The following SPRR2G variants were observed in gnomAD, a reference collection of about 807,000 sequenced individuals.
The protein encoded by SPRR2G is small proline-rich protein 2G.
A neutral mutation model predicts 0.7 loss-of-function variants in SPRR2G; 1 was observed. The observed-to-expected ratio is 1.49, with a 90% CI of 0.53 to 7.06. The LOEUF is 7.06. SPRR2G is among the 30% of genes most tolerant of loss of function. The pLI, the probability that SPRR2G is intolerant of heterozygous loss-of-function variation, is 0.14. For missense variants in SPRR2G, 96 were observed against 88.5 expected (o/e 1.09, Z -0.34); for synonymous variants, 38 against 33.9 (o/e 1.12, Z -0.42).
chr1:153,169,873 G>A, the SPRR2G span, among the ~76,000 whole-genome samples: 1 of 152,096 alleles, frequency 6.6e-6, no homozygotes, highest in East Asian at 1.9e-4. Flanking sequence ...TGTATTTCTG[G>A]CTTCTGGCTG....
the SPRR2G span, among the ~76,000 whole-genome samples, chr1:153,160,680 T>C: frequency 6.6e-6 from 1 of 152,124 alleles, no homozygotes; most frequent in Non-Finnish European, 1.5e-5. Context: ...GAAGTCAGTG[T>C]GGTGATTCCT....
rs1466107127 is a variant in SPRR2G, at chr1:153,149,821, T to TG, written c.*67dup. ...CCCACTACAGCTGAAGGGAAGATGA[T>TG]GGAGTCCTGGGAGTAAGAAGAGCCA... On this transcript the variant is annotated 3_prime_UTR_variant, in exon 2 of 2. Coordinates refer to ENST00000368748, the MANE Select transcript of SPRR2G (RefSeq NM_001014291.4). 2 of 1,577,434 alleles carry TG rather than the reference T, an allele frequency of 1.3e-6. No individual in the cohort carries two copies. The highest frequency in any genetic ancestry group is 1.7e-6 in the Non-Finnish European group (2 of 1,148,904).
chr1:153,160,999 C>T, the SPRR2G span, among the ~76,000 whole-genome samples: 1 of 150,366 alleles, frequency 6.7e-6, no homozygotes, highest in Non-Finnish European at 1.5e-5. Flanking sequence ...GGACAAAAAA[C>T]CAAACACCAC....
the SPRR2G span, among the ~76,000 whole-genome samples, chr1:153,186,738 A>G: frequency 2.6e-5 from 4 of 152,180 alleles, no homozygotes; most frequent in African/African-American, 9.7e-5. Context: ...TGATCCTGTC[A>G]TCATGATGCT....
At chr1:153,158,094 C>T in the SPRR2G span, among the ~76,000 whole-genome samples, 1 of 152,124 alleles carries the variant, frequency 6.6e-6, no homozygotes, top group African/African-American at 2.4e-5. Context: ...TGGACCCTCC[C>T]AAATCTCATG....
chr1:153,184,917 G>GGT, the SPRR2G span, among the ~76,000 whole-genome samples: 1 of 152,074 alleles, frequency 6.6e-6, no homozygotes, highest in African/African-American at 2.4e-5. Context: ...ATCGTGAAGG[G>GGT]GTGTTGAATT....
chr1:153,184,676 C>G, the SPRR2G span, among the ~76,000 whole-genome samples: 1 of 152,130 alleles, frequency 6.6e-6, no homozygotes, highest in South Asian at 2.1e-4. Context: ...TCCCCTCTTC[C>G]TGTCTGAATG....
chr1:153,149,939 C>T lies in SPRR2G; in HGVS notation c.172G>A (p.Val58Met). 1 of 1,614,008 alleles carries T rather than the reference C, an allele frequency of 6.2e-7. No individual in the cohort carries two copies. Among genetic ancestry groups the T allele is most frequent in the Non-Finnish European group, 8.5e-7 (1 of 1,180,010 alleles). Residue 58 changes from valine to methionine, a missense_variant, in exon 2 of 2, where the codon GTG (valine) becomes ATG (methionine). Physicochemically the swap from Val to Met is conservative, Grantham distance 21. Coordinates refer to ENST00000368748, the MANE Select transcript of SPRR2G (RefSeq NM_001014291.4). The part of the protein sequence containing the change: ...PPPCQDKCPP[V>M]QPYPPCQQKY... Reference sequence around the variant, plus strand: ...TGCTGGCAGGGTGGGTATGGTTGCACAGGAGGGCATTTATCCTGGCATGGT... The same window carrying T: ...TGCTGGCAGGGTGGGTATGGTTGCATAGGAGGGCATTTATCCTGGCATGGT...
chr1:153,170,214 T>TA, the SPRR2G span, among the ~76,000 whole-genome samples: 1 of 152,220 alleles, frequency 6.6e-6, no homozygotes. Flanking sequence ...ATCAACTTGG[T>TA]AACCTCAGTT....
the SPRR2G span, among the ~76,000 whole-genome samples, chr1:153,171,927 C>T: frequency 6.6e-6 from 1 of 152,180 alleles, no homozygotes; most frequent in African/African-American, 2.4e-5. Context: ...GAATCCCCAG[C>T]CCTGTACTCC....
At chr1:153,153,793 C>T (rs1206406668), upstream of SPRR2G, among the ~76,000 whole-genome samples, 1 of 152,052 alleles carries the variant, frequency 6.6e-6, no homozygotes, top group Admixed American at 6.6e-5. Context: ...TAAAGATATG[C>T]TGCTACTACA....
At chr1:153,166,890 C>T in the SPRR2G span, among the ~76,000 whole-genome samples, 1 of 151,808 alleles carries the variant, frequency 6.6e-6, no homozygotes, top group Non-Finnish European at 1.5e-5. Context: ...GTTAAAAGAA[C>T]TGTAAAAATC....
upstream of SPRR2G, among the ~76,000 whole-genome samples, chr1:153,154,778 A>G (rs116105265): frequency 0.012 from 1,872 of 152,098 alleles, 28 homozygotes; most frequent in African/African-American, 0.032. Context: ...AGGTTTGTCA[A>G]ATGAGTCATC....
At chr1:153,189,321 G>A in the SPRR2G span, among the ~76,000 whole-genome samples, 4 of 151,860 alleles carry the variant, frequency 2.6e-5, no homozygotes, top group African/African-American at 7.3e-5. Context: ...TGAAATATTT[G>A]TCTATTATTC....
At chr1:153,163,716 A>T in the SPRR2G span, among the ~76,000 whole-genome samples, 1 of 152,080 alleles carries the variant, frequency 6.6e-6, no homozygotes, top group African/African-American at 2.4e-5. Context: ...TCTTCACCCC[A>T]TCCATGTAAC....
the SPRR2G span, among the ~76,000 whole-genome samples, chr1:153,181,837 G>A: frequency 1.3e-5 from 2 of 151,680 alleles, no homozygotes; most frequent in African/African-American, 2.4e-5. Context: ...TGGACTCTTA[G>A]GTTGATTCCA....
the SPRR2G span, among the ~76,000 whole-genome samples, chr1:153,175,211 G>A: frequency 1.7e-4 from 26 of 152,186 alleles, no homozygotes; most frequent in African/African-American, 5.8e-4. Flanking sequence ...CCTCTTAACT[G>A]GTCTTCAACT....
chr1:153,166,842 G>C, the SPRR2G span, among the ~76,000 whole-genome samples: 1 of 152,032 alleles, frequency 6.6e-6, no homozygotes, highest in South Asian at 2.1e-4. Flanking sequence ...GATGTGCTTG[G>C]CACTTTAGGA....
chr1:153,158,235 G>A, the SPRR2G span, among the ~76,000 whole-genome samples: 1 of 152,112 alleles, frequency 6.6e-6, no homozygotes, highest in Non-Finnish European at 1.5e-5. Flanking sequence ...CCACCTATGA[G>A]CCCGTAAAAT....
Sources: allele counts gnomAD v4.1 joint callset (sites outside exome capture counted in the v4.1 genomes callset), GRCh38; gene constraint gnomAD v4.1.1; transcripts MANE v1.5; gene names NCBI Gene and HGNC (gene_info 2026-07-23, HGNC 2026-07-21).